MYOM3: variants seen among roughly 807,000 people sequenced by gnomAD.
MYOM3 encodes myomesin 3.
Under a neutral mutation model 191.7 loss-of-function variants are expected in MYOM3, and 155 were observed. The observed-to-expected ratio is 0.81, with a 90% CI of 0.71 to 0.92. MYOM3 has a LOEUF of 0.92. Ranked by LOEUF, MYOM3 falls within the 40% of genes least tolerant of loss-of-function variation. The pLI, the probability that MYOM3 is intolerant of heterozygous loss-of-function variation, is 0.00. For missense variants in MYOM3, 1,889 were observed against 1,890.6 expected (o/e 1.00, Z 0.02); for synonymous variants, 757 against 762.9 (o/e 0.99, Z 0.13).
chr1:24,060,594 G>C (rs1268703695), intron 35 of MYOM3, among the ~76,000 whole-genome samples: 1 of 152,174 alleles, frequency 6.6e-6, no homozygotes, highest in Non-Finnish European at 1.5e-5. Flanking sequence ...GGGTTGGGAG[G>C]TGATGAATGG....
At chr1:24,077,448 C>T (rs1643616057) in intron 20 of MYOM3, among the ~76,000 whole-genome samples, 2 of 152,226 alleles carry the variant, frequency 1.3e-5, no homozygotes. Context: ...CGCCATTTCA[C>T]ACCTCCCTGC....
At chr1:24,065,787 C>A (rs763014140) in intron 29 of MYOM3, 104 bp downstream of exon 29, 1 of 866,698 alleles carries the variant, frequency 1.2e-6, no homozygotes, top group South Asian at 1.3e-5. Context: ...TCACTTGCAT[C>A]AACCTAGCCT....
At chr1:24,102,663 A>G (rs1230394299) in intron 5 of MYOM3, among the ~76,000 whole-genome samples, 1 of 152,194 alleles carries the variant, frequency 6.6e-6, no homozygotes. Flanking sequence ...CCTGGGCAAC[A>G]TAGTGAGACT....
At chr1:24,073,861 TAAAAAAAAAAAAA>T (rs55682709) in intron 23 of MYOM3, among the ~76,000 whole-genome samples, 1,139 of 81,536 alleles carry the variant, frequency 0.014, 20 homozygotes, top group African/African-American at 0.05. Flanking sequence ...AGACTCCGTC[TAAAAAAAAAAAAA>T]AAAAAAAAAA....
chr1:24,097,968 TC>T lies in MYOM3; in HGVS notation c.699del (p.Asn234ThrfsTer44), dbSNP rs1643887341. ...EDSATYTVRV[K>X]NAHGQASSFA... ...AAGGAGGAGGCCTGGCCGTGGGCGT[TC>T]TTCACTCGCACAGTGTAAGTTGCTG... On this transcript the variant is annotated frameshift_variant, in exon 7 of 37. Coordinates refer to ENST00000374434, the MANE Select transcript of MYOM3 (RefSeq NM_152372.4). LOFTEE classifies it high-confidence loss of function. 3 of 1,614,008 alleles carry T rather than the reference TC, an allele frequency of 1.9e-6. No homozygotes were observed. The highest frequency in any genetic ancestry group is 2.2e-5 in the East Asian group (1 of 44,880).
chr1:24,063,510 C>T lies in MYOM3; in HGVS notation c.3643G>A (p.Glu1215Lys), dbSNP rs201391923. Residue 1215 changes from glutamate (E) to lysine (K), a missense_variant, in exon 31 of 37, where the codon GAG becomes AAG. Transcript: ENST00000374434. This position sits in a 1 kb window ranked among gnomAD's most constrained non-coding sequence, Gnocchi z 4.5. ...TGDALDAIFT[E>K]LGRIGALSAT... The stretch of plus-strand genomic sequence containing the variant: ...TGCTTACCACCAATCCTGCCCAACT[C>T]GGTGAAGATGGCATCCAGGGCTGGC... The T allele has an allele frequency of 2.3e-4, 376 of 1,614,148 alleles. 5 individuals carry two copies. In the Admixed American group the frequency reaches 6.0e-3, roughly 26 times the overall value.
In MYOM3 at chr1:24,080,188, G is replaced by A. The variant is rs202106386; in HGVS notation, c.2414C>T (p.Pro805Leu). Reference sequence around the variant, plus strand: ...CACCTCGGATGCCCGTACATCGTACGGGGGGCCTGTGACAAGTGAGAGATG... The same window carrying A: ...CACCTCGGATGCCCGTACATCGTACAGGGGGCCTGTGACAAGTGAGAGATG... ...KEWTMPQPGP[P>L]YDVRASEVRA... is the part of the protein sequence containing the mutation. Residue 805 changes from proline to leucine, a missense_variant, in exon 20 of 37, where the codon CCG becomes CTG. By Grantham distance (98) the Pro-to-Leu change is moderately conservative. Coordinates refer to ENST00000374434, the MANE Select transcript of MYOM3 (RefSeq NM_152372.4). The A allele has an allele frequency of 1.4e-5, 23 of 1,608,466 alleles. No individual in the cohort carries two copies. Among genetic ancestry groups the A allele is most frequent in the African/African-American group, 1.3e-4 (10 of 74,764 alleles).
intron 4 of MYOM3, 89 bp downstream of exon 4, chr1:24,106,984 T>G (rs1376435270): frequency 7.5e-6 from 10 of 1,334,416 alleles, no homozygotes; most frequent in Non-Finnish European, 9.1e-6. Context: ...CTGCCCTGGA[T>G]GTCCCGCCTC....
rs367570862 is a variant in MYOM3, at chr1:24,093,001, G to A, written c.1036C>T (p.Arg346Trp). 46 of 1,611,896 alleles carry A rather than the reference G, an allele frequency of 2.9e-5. No homozygotes were observed. The highest frequency in any genetic ancestry group is 1.6e-4 in the African/African-American group (12 of 74,856). The change falls in exon 10 of 37, where the codon CGG (arginine) becomes TGG (tryptophan). Residue 346 changes from arginine to tryptophan, a missense_variant. By Grantham distance (101) the Arg-to-Trp change is moderately radical. Coordinates refer to ENST00000374434, the MANE Select transcript of MYOM3 (RefSeq NM_152372.4). Reference sequence around the variant, plus strand: ...CGGGGTCCGAAGGGCGAGGGCACCCGGACCATGTAGAGCCCCTCGTCCTCC... The same window carrying A: ...CGGGGTCCGAAGGGCGAGGGCACCCAGACCATGTAGAGCCCCTCGTCCTCC... ...YKEDEGLYMVRVPSPFGPREQ... is the reference protein window; with the variant it reads ...YKEDEGLYMVWVPSPFGPREQ...
At chr1:24,080,449 C>T (rs530343776) in intron 19 of MYOM3, among the ~76,000 whole-genome samples, 1 of 152,290 alleles carries the variant, frequency 6.6e-6, no homozygotes, top group Admixed American at 6.5e-5. Context: ...GCTTCCCTGA[C>T]CTTCCCCATC....
intron 19 of MYOM3, 73 bp downstream of exon 19, chr1:24,081,257 C>T (rs114613201): frequency 5.7e-6 from 9 of 1,586,414 alleles, no homozygotes; most frequent in South Asian, 2.3e-5. Flanking sequence ...AGAGCGGCAA[C>T]CTTCATCTCA....
chr1:24,078,466 A>C (rs997964766), intron 20 of MYOM3, among the ~76,000 whole-genome samples: 5 of 152,188 alleles, frequency 3.3e-5, no homozygotes, highest in Non-Finnish European at 7.3e-5. Context: ...TAGAAACAGG[A>C]CATGCACCGT....
chr1:24,108,464 T>C lies in MYOM3; in HGVS notation c.161+12A>G. On this transcript the variant is annotated intron_variant, in intron 2 of 36. Coordinates refer to ENST00000374434, the MANE Select transcript of MYOM3 (RefSeq NM_152372.4). ...CAGGGCAGTGGCTGGGCGGGGACCC[T>C]GTGGCTCCCACCTGCTGCGGAAGGT... 2 of 1,543,570 alleles carry C rather than the reference T, an allele frequency of 1.3e-6. No individual in the cohort carries two copies. The highest frequency in any genetic ancestry group is 1.7e-6 in the Non-Finnish European group (2 of 1,143,150).
Position 24,107,130 on chromosome 1 carries a change from G to A in MYOM3, c.345C>T (p.Phe115=). The part of the protein sequence containing the change: ...GNDWERTEIA[F]LQTHRLLRQR... ...GGCGCAGCAGCCGGTGGGTCTGCAG[G>A]AAGGCGATCTCAGTCCTCTCCCAGT... The change falls in exon 4 of 37, where the codon TTC becomes TTT. Residue 115 remains phenylalanine (F), a synonymous_variant. Coordinates refer to ENST00000374434, the MANE Select transcript of MYOM3 (RefSeq NM_152372.4). 6.2e-7 allele frequency: 1 copy of A among 1,612,624 alleles called. No homozygotes were observed.
chr1:24,071,027 G>A, intron 25 of MYOM3, 90 bp downstream of exon 25: 3 of 1,469,634 alleles, frequency 2.0e-6, no homozygotes, highest in Non-Finnish European at 1.9e-6. Flanking sequence ...GCCACTAGGG[G>A]GAAGTACCAG....
chr1:24,058,531 A>G (rs547306568), intron 36 of MYOM3, among the ~76,000 whole-genome samples: 1 of 152,380 alleles, frequency 6.6e-6, no homozygotes, highest in East Asian at 1.9e-4. Context: ...AAAAGATAAT[A>G]TACATGGAAT....
chr1:24,082,429 C>T, intron 17 of MYOM3, 164 bp downstream of exon 17: 1 of 1,092,746 alleles, frequency 9.2e-7, no homozygotes, highest in East Asian at 2.8e-5. Context: ...GCCATGGTTA[C>T]TTCCTTCCCA....
At chr1:24,094,738 C>T in intron 9 of MYOM3, 115 bp downstream of exon 9, 1 of 1,057,366 alleles carries the variant, frequency 9.5e-7, no homozygotes, top group Non-Finnish European at 1.4e-6. Flanking sequence ...AGCACTTTAG[C>T]ACAGTTGGTA....
intron 17 of MYOM3, 66 bp downstream of exon 17, chr1:24,082,527 T>C: frequency 6.7e-7 from 1 of 1,498,178 alleles, no homozygotes; most frequent in East Asian, 2.4e-5. Flanking sequence ...CAAGATGTGA[T>C]CTATGAGCCC....
Sources: allele counts gnomAD v4.1 joint callset (sites outside exome capture counted in the v4.1 genomes callset), GRCh38; gene constraint gnomAD v4.1.1; non-coding constraint Gnocchi (gnomAD v3.1); transcripts MANE v1.5; gene names NCBI Gene and HGNC (gene_info 2026-07-23, HGNC 2026-07-21).